GSG1: variants seen among roughly 807,000 people sequenced by gnomAD.
The protein encoded by GSG1 is germ cell-specific gene 1 protein.
Under a neutral mutation model 30.8 loss-of-function variants are expected in GSG1, and 28 were observed. The ratio of observed to expected loss-of-function variants is 0.91; its 90% CI spans 0.67 to 1.25. The LOEUF (loss-of-function observed/expected upper bound fraction) is 1.25, where lower values mean the gene tolerates loss of function less well. Among genes scored for constraint, GSG1 ranks in the 50% most tolerant of loss-of-function variants. GSG1 has a pLI of 0.00. For synonymous variants in GSG1, 162 were observed against 178.0 expected, an observed-to-expected ratio of 0.91 and a Z score of 0.71; for missense variants, 435 against 444.7, an observed-to-expected ratio of 0.98 and a Z score of 0.20.
intron 1 of GSG1, among the ~76,000 whole-genome samples, chr12:13,099,872 C>T (rs55750092): frequency 0.088 from 13,284 of 151,684 alleles, 678 homozygotes; most frequent in South Asian, 0.15. Context: ...TTCTGACCCA[C>T]GCGCCATTAG....
At chr12:13,090,849 G>A (rs762792422) in intron 1 of GSG1, 31 bp from the exon 2 acceptor site, 1 of 1,561,944 alleles carries the variant, frequency 6.4e-7, no homozygotes, top group South Asian at 1.2e-5. Flanking sequence ...TGGAAGGGAA[G>A]GGAGCAGGGG....
chr12:13,089,063 A>G, intron 3 of GSG1, 145 bp downstream of exon 3: 1 of 1,272,356 alleles, frequency 7.9e-7, no homozygotes. Context: ...GGGTGAATGA[A>G]TGGCACAGCC....
intron 1 of GSG1, among the ~76,000 whole-genome samples, chr12:13,099,154 CCT>C (rs1170194407): frequency 6.6e-6 from 1 of 152,174 alleles, no homozygotes; most frequent in Non-Finnish European, 1.5e-5. Flanking sequence ...CGTCTAATTT[CCT>C]CTTTTTGACA....
chr12:13,086,372 C>T (rs1479211981), intron 6 of GSG1, among the ~76,000 whole-genome samples: 1 of 152,172 alleles, frequency 6.6e-6, no homozygotes, highest in African/African-American at 2.4e-5. Context: ...GGCCTCACAA[C>T]AGACTTGCAG....
chr12:13,091,537 C>G (rs755057262), intron 1 of GSG1, among the ~76,000 whole-genome samples: 1 of 152,142 alleles, frequency 6.6e-6, no homozygotes, highest in Non-Finnish European at 1.5e-5. Context: ...GACCCTGTCT[C>G]TACGGAAAAT....
In GSG1 at chr12:13,099,387, G is replaced by A. The variant is rs774382368; in HGVS notation, c.48+4078C>T. Among the ~76,000 whole-genome samples the A allele has an allele frequency of 6.6e-4, 101 of 152,288 alleles. 1 individual carries two copies. Among genetic ancestry groups the A allele is most frequent in the Non-Finnish European group, 1.3e-3 (88 of 68,024 alleles). On this transcript the variant is annotated intron_variant, in intron 1 of 6. Coordinates refer to ENST00000651961, the MANE Select transcript of GSG1 (RefSeq NM_001080555.4). ...ATTCCACACCTAAAAACAGTATTTA[G>A]CTCTGGCATGTTGGACTGTGACTAT...
rs1863208513 is a variant in GSG1, at chr12:13,101,584, C to A, written c.48+1881G>T. ...GGAGCTGGGCCGGGGCGCTAGGCCA[C>A]CTGAGGCGCGTCCCCTCTGCCGCCT... On this transcript the variant is annotated intron_variant, in intron 1 of 6. Transcript: ENST00000651961. The surrounding 1 kb of genome is among the most constrained non-coding windows in gnomAD (Gnocchi z 5.8). 6.6e-6 allele frequency among the ~76,000 whole-genome samples: 1 copy of A among 152,340 alleles called. No homozygotes were observed. The highest frequency in any genetic ancestry group is 2.4e-5 in the African/African-American group (1 of 41,594).
At chr12:13,087,402 C>T in intron 5 of GSG1, 139 bp from the exon 6 acceptor site, 1 of 619,338 alleles carries the variant, frequency 1.6e-6, no homozygotes, top group East Asian at 2.7e-5. Flanking sequence ...CACCACATTT[C>T]CCGAAGACTA....
chr12:13,096,992 G>A (rs1204632993), intron 1 of GSG1, among the ~76,000 whole-genome samples: 7 of 152,110 alleles, frequency 4.6e-5, no homozygotes, highest in Admixed American at 4.6e-4. Flanking sequence ...TTGGGAGGCT[G>A]AGCAGGAGAA....
intron 4 of GSG1, among the ~76,000 whole-genome samples, 199 bp from the exon 5 acceptor site, chr12:13,088,258 A>AAT (rs1198449498): frequency 6.6e-6 from 1 of 151,770 alleles, no homozygotes; most frequent in Non-Finnish European, 1.5e-5. Flanking sequence ...CTCCATAACC[A>AAT]ATATATACCC....
Position 13,090,829 on chromosome 12 carries a change from C to A in GSG1, c.49-11G>T. Reference sequence around the variant, plus strand: ...CTTCGAGAGCTCCATCTGTAATAGACAAGCACAAGTGGAAGGGAAGGGAGC... The same window carrying A: ...CTTCGAGAGCTCCATCTGTAATAGAAAAGCACAAGTGGAAGGGAAGGGAGC... On this transcript the variant is annotated splice_polypyrimidine_tract_variant and intron_variant, in intron 1 of 6. Transcript: ENST00000651961. 6.3e-7 allele frequency: 1 copy of A among 1,596,656 alleles called. No homozygotes were observed. The highest frequency in any genetic ancestry group is 8.6e-7 in the Non-Finnish European group (1 of 1,169,536).
chr12:13,089,190 C>T lies in GSG1; in HGVS notation c.433+18G>A, dbSNP rs1462317555. The T allele has an allele frequency of 6.4e-7, 1 of 1,552,050 alleles. No individual in the cohort carries two copies. Among genetic ancestry groups the T allele is most frequent in the South Asian group, 1.2e-5 (1 of 83,912 alleles). ...TCCCGTGTCCAGAAGAGTTAATGAT[C>T]TTAGTGTTAACTAATACCTTTTGCT... On this transcript the variant is annotated intron_variant, in intron 3 of 6. Coordinates refer to ENST00000651961, the MANE Select transcript of GSG1 (RefSeq NM_001080555.4).
At chr12:13,087,635 A>G (rs1865670716) in intron 5 of GSG1, among the ~76,000 whole-genome samples, 2 of 152,246 alleles carry the variant, frequency 1.3e-5, no homozygotes, top group Non-Finnish European at 2.9e-5. Context: ...AGCTGTGTGT[A>G]TGTCACAACT....
rs1040751873 is a variant in GSG1 at position 13,101,711 on chromosome 12, C to G, written c.48+1754G>C. ...CGGGATGTGTCGAGCTGCTGGAGTC[C>G]AAAGTCAGGCATTTCCCTGCCTCTG... On this transcript the variant is annotated intron_variant, in intron 1 of 6. Transcript: ENST00000651961. The surrounding 1 kb of genome is among the most constrained non-coding windows in gnomAD (Gnocchi z 5.8). Among the ~76,000 whole-genome samples, 27 of 152,218 alleles carry G rather than the reference C, an allele frequency of 1.8e-4. 1 individual carries two copies. Among genetic ancestry groups the G allele is most frequent in the African/African-American group, 2.4e-5 (1 of 41,464 alleles).
rs757856021 is a variant in GSG1 at position 13,089,322 on chromosome 12, T to C, written c.365-46A>G. On this transcript the variant is annotated intron_variant, in intron 2 of 6. Transcript: ENST00000651961. ...TATAAATGTAAATACACACATTTTT[T>C]TAATTCCTCTTCCATCTCGCTTTTA... 26 of 1,549,826 alleles carry C rather than the reference T, an allele frequency of 1.7e-5. No individual in the cohort carries two copies. The African/African-American group carries it at 3.6e-4, about 21-fold the overall frequency.
At chr12:13,090,874 C>A in intron 1 of GSG1, 56 bp from the exon 2 acceptor site, 1 of 1,469,660 alleles carries the variant, frequency 6.8e-7, no homozygotes. Context: ...TGACTCAGAG[C>A]CGCCTCGGAG....
Position 13,085,122 on chromosome 12 carries a change from A to G in GSG1, c.868T>C (p.Cys290Arg). 1.9e-6 allele frequency: 3 copies of G among 1,614,170 alleles called. No homozygotes were observed. Among genetic ancestry groups the G allele is most frequent in the Non-Finnish European group, 2.5e-6 (3 of 1,180,028 alleles). ...HSKSFKENPNCLPHHHQCFPR... is the reference protein window; with the variant it reads ...HSKSFKENPNRLPHHHQCFPR... ...AAACACTGATGGTGATGTGGTAGGC[A>G]GTTCGGGTTTTCCTTGAAGCTCTTA... The change falls in exon 7 of 7, where the codon TGC (cysteine) becomes CGC (arginine). Residue 290 changes from cysteine to arginine, a missense_variant. Cys to Arg is a radical substitution (Grantham distance 180). Transcript: ENST00000651961.
chr12:13,086,259 A>G (rs1286785984), intron 6 of GSG1, among the ~76,000 whole-genome samples: 2 of 152,154 alleles, frequency 1.3e-5, no homozygotes, highest in Non-Finnish European at 2.9e-5. Context: ...AAAAGGTGAG[A>G]AGTGCTGGAT....
chr12:13,097,016 G>T (rs1866715372), intron 1 of GSG1, among the ~76,000 whole-genome samples: 1 of 152,118 alleles, frequency 6.6e-6, no homozygotes, highest in Non-Finnish European at 1.5e-5. Context: ...CTTGAACCTG[G>T]GAGATGGAGG....
Sources: gnomAD v4.1 joint callset for allele counts (sites outside exome capture counted in the v4.1 genomes callset) on GRCh38, gnomAD v4.1.1 for gene constraint, Gnocchi (gnomAD v3.1) non-coding constraint, MANE v1.5 for transcripts, NCBI Gene and HGNC (gene_info 2026-07-23, HGNC 2026-07-21) for gene names.